The following NECAB2 variants were observed in gnomAD, a reference collection of about 807,000 sequenced individuals.
NECAB2 encodes N-terminal EF-hand calcium-binding protein 2.
In NECAB2, 68 loss-of-function variants were observed where a neutral mutation model predicts 51.9. The ratio of observed to expected loss-of-function variants is 1.31; its 90% confidence interval spans 1.08 to 1.60. NECAB2 has a LOEUF of 1.60. NECAB2 is among the 40% of genes most tolerant of loss of function. The probability of loss-of-function intolerance (pLI) is 0.00; values close to 1 mark genes in which losing one functional copy is unlikely to be tolerated. For synonymous variants in NECAB2, 329 were observed against 203.5 expected (o/e 1.62, Z -5.25); for missense variants, 854 against 490.3 (o/e 1.74, Z -7.00).
intron 2 of NECAB2, among the ~76,000 whole-genome samples, chr16:83,972,479 C>G (rs887035374): frequency 6.6e-6 from 1 of 152,220 alleles, no homozygotes; most frequent in African/African-American, 2.4e-5. Context: ...AGGCCTTTTC[C>G]TAGCTGGGCT....
intron 9 of NECAB2, among the ~76,000 whole-genome samples, chr16:83,997,778 C>T (rs891515460): frequency 1.4e-4 from 21 of 152,096 alleles, no homozygotes; most frequent in African/African-American, 4.8e-4. Flanking sequence ...CAGGCGTGAG[C>T]CACCACACCT....
At chr16:83,998,169 G>T (rs373069337) in intron 9 of NECAB2, 36 bp from the exon 10 acceptor site, 1 of 1,587,634 alleles carries the variant, frequency 6.3e-7, no homozygotes, top group South Asian at 1.1e-5. Context: ...AAGGCCTGAC[G>T]TGGAGCCCCA....
rs113669364 is a variant in NECAB2 at position 83,996,660 on chromosome 16, C to T, written c.796-556C>T. Reference sequence around the variant, plus strand: ...TACATGGCTTTCGTGCCTTCAGAGCCGGGGTTCTCTGCCGTGACATAGTGA... The same window carrying T: ...TACATGGCTTTCGTGCCTTCAGAGCTGGGGTTCTCTGCCGTGACATAGTGA... On this transcript the variant is annotated intron_variant, in intron 8 of 12. Coordinates refer to ENST00000305202, the MANE Select transcript of NECAB2 (RefSeq NM_019065.3). Among the ~76,000 whole-genome samples, 1,173 of 152,186 alleles carry T rather than the reference C, an allele frequency of 7.7e-3. 15 individuals carry two copies. The highest frequency in any genetic ancestry group is 0.025 in the African/African-American group (1,034 of 41,512).
At chr16:83,973,929 G>T (rs1008564052) in intron 2 of NECAB2, among the ~76,000 whole-genome samples, 1 of 152,118 alleles carries the variant, frequency 6.6e-6, no homozygotes, top group African/African-American at 2.4e-5. Context: ...GTGCAGCTCT[G>T]CAGGAGCCAC....
chr16:83,996,844 G>T (rs541473511), intron 8 of NECAB2, among the ~76,000 whole-genome samples: 1 of 152,226 alleles, frequency 6.6e-6, no homozygotes, highest in African/African-American at 2.4e-5. Flanking sequence ...TAGAGTCTGG[G>T]GAAGACCAGA....
chr16:84,001,168 C>A (rs2084824838), intron 11 of NECAB2, among the ~76,000 whole-genome samples: 1 of 152,126 alleles, frequency 6.6e-6, no homozygotes, highest in African/African-American at 2.4e-5. Flanking sequence ...TCAATTGTTC[C>A]AGCGACTAAC....
chr16:83,986,206 G>T (rs190133465), intron 5 of NECAB2, among the ~76,000 whole-genome samples: 117 of 152,196 alleles, frequency 7.7e-4, no homozygotes, highest in African/African-American at 2.7e-3. Flanking sequence ...TAGTAGAGAC[G>T]GGTTTTCACC....
At position 83,978,563 on chromosome 16, in the gene NECAB2, G is replaced by C. The variant is rs2084446193; in HGVS notation, c.335+11G>C. ...CTCTGACAACACCAAGTGAGCTTCA[G>C]TCCTGGCTGGCAGAGTGGGGGTGTG... On this transcript the variant is annotated intron_variant, in intron 3 of 12. Transcript: ENST00000305202. 6.2e-7 allele frequency: 1 copy of C among 1,606,030 alleles called. No homozygotes were observed. The highest frequency in any genetic ancestry group is 8.5e-7 in the Non-Finnish European group (1 of 1,173,294).
At chr16:83,967,945 G>A (rs1385102432), upstream of NECAB2, among the ~76,000 whole-genome samples, 1 of 151,556 alleles carries the variant, frequency 6.6e-6, no homozygotes, top group Admixed American at 6.6e-5. Flanking sequence ...TGGGTGGATG[G>A]ATGTATAGAT....
rs1047642138 is a variant in NECAB2 at position 83,968,359 on chromosome 16, C to A, written c.-290C>A. Reference sequence around the variant, plus strand: ...CCCCCAGGCCCCACATACCCCTCCCCTCCGGGTAGCCCCCTCTGTGGCTGC... The same window carrying A: ...CCCCCAGGCCCCACATACCCCTCCCATCCGGGTAGCCCCCTCTGTGGCTGC... On this transcript the variant is annotated 5_prime_UTR_variant, in exon 1 of 13. Coordinates refer to ENST00000305202, the MANE Select transcript of NECAB2 (RefSeq NM_019065.3). 2.0e-5 allele frequency among the ~76,000 whole-genome samples: 3 copies of A among 150,792 alleles called. No homozygotes were observed. Among genetic ancestry groups the A allele is most frequent in the African/African-American group, 7.3e-5 (3 of 41,224 alleles).
In NECAB2 at chr16:84,002,204, T is replaced by C. The variant is rs538168783; in HGVS notation, c.1133-114T>C. ...CCTGGGTGACCAGCAAGGACCTGTG[T>C]GTCACACAAGGACTCAAAGCCATCC... On this transcript the variant is annotated intron_variant, in intron 12 of 12. Transcript: ENST00000305202. The C allele has an allele frequency of 1.3e-5, 17 of 1,325,216 alleles. No individual in the cohort carries two copies. The African/African-American group carries it at 1.6e-4, about 13-fold the overall frequency. 82.1% of individuals were successfully genotyped at this position (1,325,216 alleles called of 1,614,324 possible).
chr16:83,992,377 T>TCGCCAC (rs1555548088), intron 6 of NECAB2, among the ~76,000 whole-genome samples: 1 of 133,046 alleles, frequency 7.5e-6, no homozygotes, highest in African/African-American at 3.2e-5. Flanking sequence ...CGAGCACCCG[T>TCGCCAC]CCCCCCGCCC....
chr16:83,991,826 T>C (rs2084629716), intron 6 of NECAB2, among the ~76,000 whole-genome samples: 1 of 150,486 alleles, frequency 6.6e-6, no homozygotes, highest in Non-Finnish European at 1.5e-5. Flanking sequence ...ATTTTTTTTT[T>C]TTTTTTTTTT....
chr16:83,998,588 G>A (rs1268367315), intron 10 of NECAB2, among the ~76,000 whole-genome samples: 2 of 152,198 alleles, frequency 1.3e-5, no homozygotes, highest in Admixed American at 6.5e-5. Context: ...GATCATGAGT[G>A]CATATACAAT....
rs150449527 is a variant in NECAB2 at position 84,001,708 on chromosome 16, AC to A, written c.1041-111del. On this transcript the variant is annotated intron_variant, in intron 11 of 12. Transcript: ENST00000305202. ...TCCCACAAAGGCTCTGAGTCCAAAGACCCCCCGTGCTTATTGATAAGCTCCC... is the reference window on the plus strand; with the variant it reads ...TCCCACAAAGGCTCTGAGTCCAAAGACCCCCGTGCTTATTGATAAGCTCCC... 7.8e-4 allele frequency: 825 copies of A among 1,059,936 alleles called. 8 individuals are homozygous for A. Among genetic ancestry groups the A allele is most frequent in the Middle Eastern group, 1.3e-3 (6 of 4,650 alleles). 65.7% of individuals were successfully genotyped at this position (1,059,936 alleles called of 1,614,324 possible).
rs115892148 is a variant in NECAB2, at chr16:83,997,034, G to A, written c.796-182G>A. Among the ~76,000 whole-genome samples, 766 of 150,532 alleles carry A rather than the reference G, an allele frequency of 5.1e-3. 7 individuals are homozygous for A. The highest frequency in any genetic ancestry group is 0.018 in the African/African-American group (726 of 39,956). On this transcript the variant is annotated intron_variant, in intron 8 of 12. Transcript: ENST00000305202. ...CAAGCCATCCTCACCCCAGCAACATGTTCTAGGCCCCCTGTAGGCCAGAGG... is the reference window on the plus strand; with the variant it reads ...CAAGCCATCCTCACCCCAGCAACATATTCTAGGCCCCCTGTAGGCCAGAGG...
chr16:84,000,180 G>A (rs1359600154), intron 10 of NECAB2, among the ~76,000 whole-genome samples: 1 of 152,098 alleles, frequency 6.6e-6, no homozygotes, highest in Non-Finnish European at 1.5e-5. Context: ...GCGATTACAG[G>A]CGTGAACCAT....
chr16:83,998,940 GACA>G (rs1164942312), intron 10 of NECAB2, among the ~76,000 whole-genome samples: 1 of 152,198 alleles, frequency 6.6e-6, no homozygotes, highest in African/African-American at 2.4e-5. Flanking sequence ...GGTTGCAGAA[GACA>G]ACAGCCCTTT....
chr16:83,984,395 A>G (rs1451136141), intron 5 of NECAB2, among the ~76,000 whole-genome samples: 1 of 151,686 alleles, frequency 6.6e-6, no homozygotes, highest in Non-Finnish European at 1.5e-5. Flanking sequence ...ACATTGTTTG[A>G]CACACGCAGG....
Sources: gnomAD v4.1 joint callset for allele counts (sites outside exome capture counted in the v4.1 genomes callset) on GRCh38, gnomAD v4.1.1 for gene constraint, MANE v1.5 for transcripts, NCBI Gene and HGNC (gene_info 2026-07-23, HGNC 2026-07-21) for gene names.